The following SCAPER variants were observed in gnomAD, a reference collection of about 807,000 sequenced individuals.
The protein encoded by SCAPER is S-phase cyclin A associated protein in the ER, also known as S phase cyclin A-associated protein in the endoplasmic reticulum.
In SCAPER, 98 loss-of-function variants were observed where a neutral mutation model predicts 182.2. The ratio of observed to expected loss-of-function variants is 0.54; its 90% confidence interval spans 0.46 to 0.64. The LOEUF (loss-of-function observed/expected upper bound fraction) is 0.64. SCAPER is among the 30% of genes least tolerant of loss of function. SCAPER has a pLI of 0.00. For synonymous variants in SCAPER, 605 were observed against 564.6 expected (o/e 1.07, Z -1.01); for missense variants, 1,432 against 1,690.0 (o/e 0.85, Z 2.68).
chr15:76,682,531 A>G lies in SCAPER; in HGVS notation c.2509-16742T>C, dbSNP rs551675441. Among the ~76,000 whole-genome samples, 4 of 152,218 alleles carry G rather than the reference A, an allele frequency of 2.6e-5. No homozygotes were observed. The East Asian group carries it at 7.7e-4, about 29-fold the overall frequency. ...GCAGGAAGGCCACAGTCCAGCTCCC[A>G]CTGCTACGCCACCATAGCCAACATG... On this transcript the variant is annotated intron_variant, in intron 20 of 31. Coordinates refer to ENST00000563290, the MANE Select transcript of SCAPER (RefSeq NM_020843.4).
At chr15:76,353,924 C>A in intron 30 of SCAPER, 25 bp downstream of exon 30, 2 of 1,498,688 alleles carry the variant, frequency 1.3e-6, no homozygotes, top group Non-Finnish European at 1.8e-6. Flanking sequence ...CAAAGCTAGA[C>A]AATTACGTAT....
Position 76,650,565 on chromosome 15 carries a change from A to G in SCAPER, c.2645+15088T>C, listed in dbSNP as rs558160263. Among the ~76,000 whole-genome samples, 9 of 152,182 alleles carry G rather than the reference A, an allele frequency of 5.9e-5. No individual in the cohort carries two copies. The East Asian group carries it at 1.7e-3, about 29-fold the overall frequency. On this transcript the variant is annotated intron_variant, in intron 21 of 31. Coordinates refer to ENST00000563290, the MANE Select transcript of SCAPER (RefSeq NM_020843.4). ...GAAGGAAGAAAATTTTTTAAACATA[A>G]TAATGATTGAAAATGTGGACATTCT...
chr15:76,650,502 CA>C (rs1384967019), intron 21 of SCAPER, among the ~76,000 whole-genome samples: 1 of 151,638 alleles, frequency 6.6e-6, no homozygotes, highest in Non-Finnish European at 1.5e-5. Flanking sequence ...TATCTAATAA[CA>C]AAGTTTCAAA....
At chr15:76,539,791 C>T (rs887212165) in intron 23 of SCAPER, among the ~76,000 whole-genome samples, 25 of 152,050 alleles carry the variant, frequency 1.6e-4, no homozygotes, top group South Asian at 6.2e-4. Flanking sequence ...GTGATCTGCC[C>T]GCCTCGGCCT....
intron 8 of SCAPER, among the ~76,000 whole-genome samples, chr15:76,776,685 G>C (rs2063763869): frequency 6.6e-6 from 1 of 152,128 alleles, no homozygotes; most frequent in East Asian, 1.9e-4. Flanking sequence ...AAGGTGATAT[G>C]AGTCACTCCT....
intron 5 of SCAPER, among the ~76,000 whole-genome samples, chr15:76,841,496 A>C (rs2069474160): frequency 6.6e-6 from 1 of 152,092 alleles, no homozygotes; most frequent in Non-Finnish European, 1.5e-5. Context: ...AAAATACAAA[A>C]ATTAGCCAGG....
intron 23 of SCAPER, among the ~76,000 whole-genome samples, chr15:76,573,225 T>C (rs2047573738): frequency 6.6e-6 from 1 of 152,164 alleles, no homozygotes; most frequent in Non-Finnish European, 1.5e-5. Context: ...CAGTATTCCC[T>C]TTAAAGGAAT....
intron 17 of SCAPER, among the ~76,000 whole-genome samples, chr15:76,714,064 A>G (rs1213188931): frequency 1.3e-5 from 2 of 152,120 alleles, no homozygotes; most frequent in Non-Finnish European, 2.9e-5. Flanking sequence ...TTTTTAAAAG[A>G]GCAAGCCACA....
intron 15 of SCAPER, among the ~76,000 whole-genome samples, chr15:76,749,740 G>A (rs1245500210): frequency 9.2e-5 from 14 of 151,906 alleles, no homozygotes; most frequent in Admixed American, 9.2e-4. Flanking sequence ...AATAAATTGA[G>A]ATATATGTCA....
chr15:76,900,342 T>TAAAAAAAAAAAAAAAAAAAACA (rs56677318), intron 1 of SCAPER, among the ~76,000 whole-genome samples: 10 of 59,022 alleles, frequency 1.7e-4, no homozygotes, highest in Non-Finnish European at 2.9e-4. Context: ...CAATAAATAC[T>TAAAAAAAAAAAAAAAAAAAACA]AAAAAAAAAA....
chr15:76,902,276 A>G (rs138526786), intron 1 of SCAPER, among the ~76,000 whole-genome samples: 2 of 151,566 alleles, frequency 1.3e-5, no homozygotes, highest in Admixed American at 6.6e-5. Context: ...GTTCTCTCTT[A>G]TAAGTGGGAA....
Position 76,800,092 on chromosome 15 carries a change from A to C in SCAPER, c.611+156T>G, listed in dbSNP as rs115713049. ...ATCCTCCCCGGGATTGCTAACCAACACACAGTGTTCCCCTCCTGTGTCAGA... is the reference window on the plus strand; with the variant it reads ...ATCCTCCCCGGGATTGCTAACCAACCCACAGTGTTCCCCTCCTGTGTCAGA... On this transcript the variant is annotated intron_variant, in intron 7 of 31. Coordinates refer to ENST00000563290, the MANE Select transcript of SCAPER (RefSeq NM_020843.4). Among the ~76,000 whole-genome samples, 1,230 of 151,330 alleles carry C rather than the reference A, an allele frequency of 8.1e-3. 13 individuals carry two copies. Among genetic ancestry groups the C allele is most frequent in the African/African-American group, 0.028 (1,166 of 41,470 alleles).
At chr15:76,769,737 T>A (rs1436881955) in intron 10 of SCAPER, among the ~76,000 whole-genome samples, 1 of 152,118 alleles carries the variant, frequency 6.6e-6, no homozygotes. Flanking sequence ...TTAGTTCAAC[T>A]ATTGTGGAAG....
intron 14 of SCAPER, among the ~76,000 whole-genome samples, chr15:76,763,181 T>C (rs1464979808): frequency 6.6e-6 from 1 of 152,206 alleles, no homozygotes; most frequent in Non-Finnish European, 1.5e-5. Flanking sequence ...TTCATGTGTC[T>C]GGGAAAGACT....
At chr15:76,634,391 G>A (rs1229980529) in intron 21 of SCAPER, among the ~76,000 whole-genome samples, 1 of 149,512 alleles carries the variant, frequency 6.7e-6, no homozygotes, top group African/African-American at 2.5e-5. Context: ...TTCTTGGTGG[G>A]AGCTGCAGAG....
At chr15:76,746,982 C>CT (rs1424950769) in intron 15 of SCAPER, among the ~76,000 whole-genome samples, 3 of 152,204 alleles carry the variant, frequency 2.0e-5, no homozygotes, top group South Asian at 2.1e-4. Context: ...CGCCAACAGG[C>CT]TTTTTTGCAG....
At chr15:76,815,547 G>C (rs749071275) in intron 5 of SCAPER, among the ~76,000 whole-genome samples, 4 of 152,126 alleles carry the variant, frequency 2.6e-5, no homozygotes, top group Non-Finnish European at 5.9e-5. Context: ...ACACACCTAC[G>C]TTATATGGCA....
chr15:76,896,228 G>A (rs1299224863), intron 1 of SCAPER, among the ~76,000 whole-genome samples: 2 of 151,764 alleles, frequency 1.3e-5, no homozygotes, highest in African/African-American at 4.8e-5. Flanking sequence ...AAATTGGCCA[G>A]GCATGGTGGT....
intron 17 of SCAPER, among the ~76,000 whole-genome samples, chr15:76,710,897 A>G (rs909157606): frequency 2.0e-5 from 3 of 152,174 alleles, no homozygotes; most frequent in South Asian, 2.1e-4. Flanking sequence ...ATAGATATCA[A>G]TATAACAGAA....
Sources: gnomAD v4.1 joint callset for allele counts (sites outside exome capture counted in the v4.1 genomes callset) on GRCh38, gnomAD v4.1.1 for gene constraint, MANE v1.5 for transcripts, NCBI Gene and HGNC (gene_info 2026-07-23, HGNC 2026-07-21) for gene names.